Variants in UNC5D observed in about 807,000 individuals in gnomAD.
UNC5D encodes the protein unc-5 netrin receptor D, also known as netrin receptor UNC5D.
Under a neutral mutation model 105.4 loss-of-function variants are expected in UNC5D, and 39 were observed. The observed-to-expected ratio is 0.37, with a 90% confidence interval of 0.29 to 0.48. UNC5D has a LOEUF of 0.48. Ranked by LOEUF, UNC5D falls within the 20% of genes least tolerant of loss-of-function variation. UNC5D has a pLI of 0.98. For synonymous variants in UNC5D, 452 were observed against 450.4 expected (o/e 1.00, Z -0.04); for missense variants, 991 against 1,202.4 (o/e 0.82, Z 2.60).
At chr8:35,497,880 A>G (rs1585982599) in intron 1 of UNC5D, among the ~76,000 whole-genome samples, 1 of 151,492 alleles carries the variant, frequency 6.6e-6, no homozygotes, top group Non-Finnish European at 1.5e-5. Flanking sequence ...GACCAGCCTG[A>G]CCAACATGGA....
At chr8:35,347,340 T>A (rs746920102) in intron 1 of UNC5D, among the ~76,000 whole-genome samples, 3 of 151,738 alleles carry the variant, frequency 2.0e-5, no homozygotes, top group African/African-American at 7.3e-5. Context: ...AACCAAACTT[T>A]CTTTGTCATA....
chr8:35,584,157 ATCAGCAGTTGGTAGTGACAAT>A (rs1329975781), intron 3 of UNC5D, among the ~76,000 whole-genome samples: 2 of 152,156 alleles, frequency 1.3e-5, no homozygotes, highest in Non-Finnish European at 2.9e-5. Flanking sequence ...CTGAAAGAGA[ATCAGCAGTTGGTAGTGACAAT>A]TGAAGGTAGA....
chr8:35,529,733 G>A (rs1279333031), intron 1 of UNC5D, among the ~76,000 whole-genome samples: 1 of 121,638 alleles, frequency 8.2e-6, no homozygotes, highest in African/African-American at 3.2e-5. Flanking sequence ...CTTGAGCAGT[G>A]GTTTGTAGTT....
intron 2 of UNC5D, among the ~76,000 whole-genome samples, chr8:35,562,446 C>T (rs192664443): frequency 6.6e-6 from 1 of 152,120 alleles, no homozygotes; most frequent in Non-Finnish European, 1.5e-5. Flanking sequence ...TTTACATCCC[C>T]AAAAATGGTG....
chr8:35,663,113 G>A (rs1475723814), intron 4 of UNC5D, among the ~76,000 whole-genome samples: 1 of 152,122 alleles, frequency 6.6e-6, no homozygotes, highest in East Asian at 1.9e-4. Context: ...AAAGGTTGAG[G>A]ACCGCTGCTT....
chr8:35,744,130 T>C (rs1488316623), intron 11 of UNC5D, among the ~76,000 whole-genome samples: 1 of 152,206 alleles, frequency 6.6e-6, no homozygotes, highest in Non-Finnish European at 1.5e-5. Context: ...AGAATGTGCC[T>C]TCCTCTGAGC....
intron 1 of UNC5D, among the ~76,000 whole-genome samples, chr8:35,303,577 A>AGAGATTCTG (rs1267237220): frequency 1.3e-5 from 2 of 152,204 alleles, no homozygotes; most frequent in Non-Finnish European, 2.9e-5. Context: ...AACTTCTGGT[A>AGAGATTCTG]TAAAAATTCT....
intron 1 of UNC5D, among the ~76,000 whole-genome samples, chr8:35,273,395 G>A (rs1307359418): frequency 3.9e-5 from 6 of 152,290 alleles, no homozygotes; most frequent in South Asian, 2.1e-4. Flanking sequence ...GTCAGTAGGC[G>A]TAATTTAAGT....
intron 1 of UNC5D, among the ~76,000 whole-genome samples, chr8:35,239,767 TA>T (rs1439266920): frequency 2.0e-5 from 3 of 152,134 alleles, no homozygotes; most frequent in Non-Finnish European, 4.4e-5. Flanking sequence ...CTCCTTCTGA[TA>T]CCTTCATGAA....
At chr8:35,698,404 A>C (rs548004810) in intron 7 of UNC5D, among the ~76,000 whole-genome samples, 1 of 151,972 alleles carries the variant, frequency 6.6e-6, no homozygotes, top group Non-Finnish European at 1.5e-5. Context: ...CTTGACCATT[A>C]TCTCTCCATG....
chr8:35,551,819 A>G (rs992798328), intron 2 of UNC5D, among the ~76,000 whole-genome samples: 1 of 151,970 alleles, frequency 6.6e-6, no homozygotes, highest in South Asian at 2.1e-4. Context: ...TCCGTCTAAA[A>G]AAAAAAAGAA....
intron 1 of UNC5D, among the ~76,000 whole-genome samples, chr8:35,470,347 G>C (rs7010507): frequency 6.6e-6 from 1 of 151,844 alleles, no homozygotes; most frequent in Non-Finnish European, 1.5e-5. Context: ...CATTTATTGC[G>C]TCTCTTCTGC....
intron 2 of UNC5D, among the ~76,000 whole-genome samples, chr8:35,558,233 C>T (rs1389042799): frequency 1.3e-5 from 2 of 151,612 alleles, no homozygotes; most frequent in East Asian, 2.0e-4. Flanking sequence ...AACAGAGTGA[C>T]AGACACATAC....
chr8:35,512,511 TG>T (rs1400689512), intron 1 of UNC5D, among the ~76,000 whole-genome samples: 241 of 81,204 alleles, frequency 3.0e-3, no homozygotes, highest in Middle Eastern at 6.8e-3. Flanking sequence ...TATATATATC[TG>T]CATAGATTAT....
At chr8:35,371,328 T>C (rs535674487) in intron 1 of UNC5D, among the ~76,000 whole-genome samples, 117 of 152,242 alleles carry the variant, frequency 7.7e-4, no homozygotes, top group African/African-American at 2.8e-3. Flanking sequence ...CTTGGTCCCA[T>C]TAATATAGAA....
chr8:35,520,168 T>C (rs1813367663), intron 1 of UNC5D, among the ~76,000 whole-genome samples: 1 of 152,122 alleles, frequency 6.6e-6, no homozygotes, highest in Admixed American at 6.6e-5. Context: ...CAAATGCCTA[T>C]CCACTGATGA....
chr8:35,445,587 C>T (rs1406508335), intron 1 of UNC5D, among the ~76,000 whole-genome samples: 1 of 151,998 alleles, frequency 6.6e-6, no homozygotes, highest in East Asian at 1.9e-4. Context: ...AATTTACCCA[C>T]TAAAAACAAG....
At chr8:35,407,795 G>T (rs1195576520) in intron 1 of UNC5D, among the ~76,000 whole-genome samples, 1 of 151,970 alleles carries the variant, frequency 6.6e-6, no homozygotes, top group Non-Finnish European at 1.5e-5. Context: ...GCAGTATTTG[G>T]TTTTCTGTTT....
In UNC5D at chr8:35,549,398, T is replaced by A. The variant is rs748183505; in HGVS notation, c.210T>A (p.Pro70=). Residue 70 remains proline, a synonymous_variant, in exon 2 of 17, where the codon CCT becomes CCA. Coordinates refer to ENST00000404895, the MANE Select transcript of UNC5D (RefSeq NM_080872.4). ...ATGCTTATATTATCAAGAGCAACCCTATTGCACTCAGGTGCAAAGCGAGGC... is the reference window on the plus strand; with the variant it reads ...ATGCTTATATTATCAAGAGCAACCCAATTGCACTCAGGTGCAAAGCGAGGC... ...PDDAYIIKSN[P]IALRCKARPA... 3.1e-6 allele frequency: 5 copies of A among 1,613,492 alleles called. 1 individual carries two copies. In the South Asian group the frequency reaches 5.5e-5, roughly 18 times the overall value.
Sources: gnomAD v4.1 joint callset for allele counts (sites outside exome capture counted in the v4.1 genomes callset) on GRCh38, gnomAD v4.1.1 for gene constraint, MANE v1.5 for transcripts, NCBI Gene and HGNC (gene_info 2026-07-23, HGNC 2026-07-21) for gene names.